Variants in CADM2 observed in about 807,000 individuals in gnomAD.
CADM2 encodes the protein cell adhesion molecule 2.
A neutral mutation model predicts 49.8 loss-of-function variants in CADM2; 12 were observed. That is an observed-to-expected ratio of 0.24 (90% CI 0.15 to 0.39). The LOEUF is 0.39. CADM2 is among the 10% of genes least tolerant of loss of function. CADM2 has a pLI of 1.00. For synonymous variants in CADM2, 214 were observed against 175.4 expected, an observed-to-expected ratio of 1.22 and a Z score of -1.74; for missense variants, 378 against 492.3, an observed-to-expected ratio of 0.77 and a Z score of 2.20.
At chr3:85,629,969 CTT>C (rs1269733366) in intron 1 of CADM2, among the ~76,000 whole-genome samples, 2 of 151,838 alleles carry the variant, frequency 1.3e-5, no homozygotes, top group African/African-American at 4.8e-5. Flanking sequence ...TTAAGTGTTT[CTT>C]TTTGTAGAAT....
intron 7 of CADM2, among the ~76,000 whole-genome samples, chr3:85,955,203 CT>C (rs544685669): frequency 4.0e-5 from 6 of 151,052 alleles, no homozygotes; most frequent in East Asian, 2.0e-4. Flanking sequence ...GGAAAGGTGA[CT>C]TTTTTTTCAT....
chr3:85,815,341 C>A (rs193282735), intron 3 of CADM2, among the ~76,000 whole-genome samples: 1 of 152,176 alleles, frequency 6.6e-6, no homozygotes, highest in African/African-American at 2.4e-5. Context: ...ATGCGAAAAT[C>A]CTCAATAAAA....
intron 1 of CADM2, among the ~76,000 whole-genome samples, chr3:85,619,892 A>G (rs915921732): frequency 3.3e-5 from 5 of 152,200 alleles, no homozygotes; most frequent in Admixed American, 1.3e-4. Flanking sequence ...TTAAACCTCC[A>G]AAATCCCAGC....
At chr3:85,438,827 C>T (rs1358504478) in intron 1 of CADM2, among the ~76,000 whole-genome samples, 1 of 151,938 alleles carries the variant, frequency 6.6e-6, no homozygotes, top group African/African-American at 2.4e-5. Flanking sequence ...TGTGAGCCAC[C>T]ATACCTGGAT....
chr3:85,596,327 G>A (rs926859557), intron 1 of CADM2, among the ~76,000 whole-genome samples: 2 of 151,716 alleles, frequency 1.3e-5, no homozygotes, highest in African/African-American at 4.8e-5. Context: ...GTTAAATTTA[G>A]ACCATAAATG....
intron 5 of CADM2, among the ~76,000 whole-genome samples, chr3:85,906,815 T>G (rs1005314137): frequency 6.6e-6 from 1 of 152,228 alleles, no homozygotes; most frequent in Admixed American, 6.5e-5. Context: ...AAAGCTTTGC[T>G]TGAACATTAA....
At chr3:85,557,126 G>A (rs1001933756) in intron 1 of CADM2, among the ~76,000 whole-genome samples, 1 of 151,920 alleles carries the variant, frequency 6.6e-6, no homozygotes, top group African/African-American at 2.4e-5. Flanking sequence ...GTCACAATCA[G>A]ATTTATCTTA....
intron 1 of CADM2, among the ~76,000 whole-genome samples, chr3:85,245,869 G>C (rs1335422182): frequency 2.0e-5 from 3 of 152,114 alleles, no homozygotes; most frequent in Non-Finnish European, 4.4e-5. Context: ...AATAACTTAT[G>C]TAGGAATAAT....
At chr3:86,013,321 A>T (rs1275048489) in intron 8 of CADM2, 1 of 1,545,342 alleles carries the variant, frequency 6.5e-7, no homozygotes, top group African/African-American at 1.4e-5. Flanking sequence ...GAAGAGAAGG[A>T]AAACAAAGAA....
At chr3:85,011,162 GC>G (rs901020321) in intron 1 of CADM2, among the ~76,000 whole-genome samples, 1 of 151,232 alleles carries the variant, frequency 6.6e-6, no homozygotes, top group African/African-American at 2.4e-5. Flanking sequence ...CCGCGCCCAG[GC>G]TGTTTATGTC....
At chr3:85,996,290 CTTT>C (rs397990432) in intron 8 of CADM2, among the ~76,000 whole-genome samples, 146 of 89,306 alleles carry the variant, frequency 1.6e-3, no homozygotes, top group Admixed American at 5.7e-3. Flanking sequence ...TTTTCATTTA[CTTT>C]TTTTTTTTTT....
At chr3:85,204,738 A>ATGT (rs2041591541) in intron 1 of CADM2, among the ~76,000 whole-genome samples, 1 of 152,170 alleles carries the variant, frequency 6.6e-6, no homozygotes, top group Non-Finnish European at 1.5e-5. Flanking sequence ...GCTTTGATTA[A>ATGT]ATATAAACAT....
chr3:85,230,999 G>GAAA (rs554941422), intron 1 of CADM2, among the ~76,000 whole-genome samples: 8 of 145,044 alleles, frequency 5.5e-5, no homozygotes, highest in African/African-American at 1.5e-4. Context: ...TTTTTTTCTG[G>GAAA]AAAAAAAAAA....
chr3:85,204,831 C>A (rs7637886), intron 1 of CADM2, among the ~76,000 whole-genome samples: 33,832 of 151,384 alleles, frequency 0.22, 6,211 homozygotes, highest in African/African-American at 0.51. Context: ...TTTTTCTTTG[C>A]CTAAAGAATG....
intron 1 of CADM2, among the ~76,000 whole-genome samples, chr3:85,132,409 A>G (rs193171594): frequency 2.0e-4 from 30 of 152,296 alleles, no homozygotes; most frequent in Admixed American, 1.2e-3. Flanking sequence ...TTTTACAGGT[A>G]GAGGCTTAAT....
chr3:85,285,201 C>T (rs1480935873), intron 1 of CADM2, among the ~76,000 whole-genome samples: 1 of 152,038 alleles, frequency 6.6e-6, no homozygotes, highest in Non-Finnish European at 1.5e-5. Flanking sequence ...CTATTCCACA[C>T]CCAAATGGAA....
intron 1 of CADM2, among the ~76,000 whole-genome samples, chr3:85,485,519 C>A (rs762522664): frequency 6.6e-6 from 1 of 151,948 alleles, no homozygotes; most frequent in Non-Finnish European, 1.5e-5. Context: ...TCAAACTCAT[C>A]GCCATCCTGC....
intron 1 of CADM2, among the ~76,000 whole-genome samples, chr3:85,053,137 T>TA (rs1244578673): frequency 2.0e-5 from 3 of 152,132 alleles, no homozygotes; most frequent in African/African-American, 7.2e-5. Flanking sequence ...GCCAAACTAG[T>TA]AAAAAATTAT....
At chr3:85,342,403 G>T (rs2029962993) in intron 1 of CADM2, among the ~76,000 whole-genome samples, 1 of 151,852 alleles carries the variant, frequency 6.6e-6, no homozygotes, top group Admixed American at 6.6e-5. Flanking sequence ...AAAATATTTT[G>T]ATTACTTCAT....
Sources: allele counts gnomAD v4.1 joint callset (sites outside exome capture counted in the v4.1 genomes callset), GRCh38; gene constraint gnomAD v4.1.1; transcripts MANE v1.5; gene names NCBI Gene and HGNC (gene_info 2026-07-23, HGNC 2026-07-21).